Variants in PRKG1 observed in about 807,000 individuals in gnomAD.
PRKG1 encodes the protein protein kinase cGMP-dependent 1, also known as cGMP-dependent protein kinase 1.
A neutral mutation model predicts 88.1 loss-of-function variants in PRKG1; 35 were observed. The ratio of observed to expected loss-of-function variants is 0.40; its 90% CI spans 0.30 to 0.53. The LOEUF is 0.53. PRKG1 is among the 20% of genes least tolerant of loss of function. The pLI is 0.59. For missense variants in PRKG1, 540 were observed against 839.8 expected (o/e 0.64, Z 4.41); for synonymous variants, 303 against 292.5 (o/e 1.04, Z -0.37).
At chr10:51,493,024 C>T (rs1373264425) in intron 3 of PRKG1, among the ~76,000 whole-genome samples, 2 of 151,992 alleles carry the variant, frequency 1.3e-5, no homozygotes, top group African/African-American at 4.8e-5. Context: ...TTCATTTCTC[C>T]CTAAGAAATA....
chr10:51,746,243 C>T (rs1837574718), intron 3 of PRKG1, among the ~76,000 whole-genome samples: 1 of 151,938 alleles, frequency 6.6e-6, no homozygotes, highest in African/African-American at 2.4e-5. Context: ...CAAAGCCAAA[C>T]CGAACAAGCA....
chr10:51,977,331 T>C (rs1843870361), intron 5 of PRKG1, among the ~76,000 whole-genome samples: 8 of 152,112 alleles, frequency 5.3e-5, no homozygotes. Flanking sequence ...GAGTATTCCA[T>C]GGTGTATACG....
chr10:51,186,087 C>A lies in PRKG1; in HGVS notation c.478+32757C>A, dbSNP rs533910113. Among the ~76,000 whole-genome samples the A allele has an allele frequency of 8.6e-5, 13 of 151,792 alleles. No individual in the cohort carries two copies. The South Asian group carries it at 2.7e-3, about 32-fold the overall frequency. ...AGTACCTGAATAAATCTTTTTGTAT[C>A]TTAGCAAGGACTATTATTTTTCTTA... On this transcript the variant is annotated intron_variant, in intron 2 of 17. Transcript: ENST00000373980.
chr10:52,134,581 AG>A (rs1837354651), intron 8 of PRKG1, among the ~76,000 whole-genome samples: 1 of 152,202 alleles, frequency 6.6e-6, no homozygotes, highest in African/African-American at 2.4e-5. Flanking sequence ...ACTTTCTGGA[AG>A]CAGTGGAACA....
At chr10:52,040,996 C>T (rs1345785016) in intron 5 of PRKG1, among the ~76,000 whole-genome samples, 1 of 151,734 alleles carries the variant, frequency 6.6e-6, no homozygotes, top group African/African-American at 2.4e-5. Flanking sequence ...GCCACCATGC[C>T]CTGCTTATTT....
intron 3 of PRKG1, among the ~76,000 whole-genome samples, chr10:51,745,262 T>G (rs186294421): frequency 6.6e-6 from 1 of 152,214 alleles, no homozygotes; most frequent in African/African-American, 2.4e-5. Context: ...GATTATACAT[T>G]TATTAACTTA....
At chr10:51,950,988 T>C (rs1460749016) in intron 5 of PRKG1, among the ~76,000 whole-genome samples, 1 of 152,216 alleles carries the variant, frequency 6.6e-6, no homozygotes, top group East Asian at 1.9e-4. Context: ...GGAGCTTTTA[T>C]GGGTTCAGAA....
At chr10:51,529,571 T>A (rs1033311948) in intron 3 of PRKG1, among the ~76,000 whole-genome samples, 11 of 152,304 alleles carry the variant, frequency 7.2e-5, no homozygotes, top group Admixed American at 3.3e-4. Context: ...AACACTCTTT[T>A]GTTGTGTCTT....
At chr10:51,395,987 AT>A (rs1837566674) in intron 2 of PRKG1, among the ~76,000 whole-genome samples, 1 of 152,206 alleles carries the variant, frequency 6.6e-6, no homozygotes, top group Admixed American at 6.5e-5. Flanking sequence ...ATGTTAAAGA[AT>A]TTGAATTTTA....
chr10:51,572,315 G>T (rs1837777355), intron 3 of PRKG1, among the ~76,000 whole-genome samples: 1 of 151,702 alleles, frequency 6.6e-6, no homozygotes, highest in Non-Finnish European at 1.5e-5. Context: ...AGTGCTTTAA[G>T]AATCACCTTA....
rs567899178 is a variant in PRKG1, at chr10:51,685,502, T to G, written c.593-119083T>G. 1.1e-3 allele frequency among the ~76,000 whole-genome samples: 161 copies of G among 152,182 alleles called. 2 individuals are homozygous for G. The highest frequency in any genetic ancestry group is 3.7e-3 in the African/African-American group (153 of 41,522). ...CTCCCTCAAAAATAAATAACTCCAC[T>G]CCCCCTAATCTTGTGGCTGATGTCT... On this transcript the variant is annotated intron_variant, in intron 3 of 17. Coordinates refer to ENST00000373980, the MANE Select transcript of PRKG1 (RefSeq NM_006258.4).
chr10:51,288,186 C>T (rs1489850117), intron 2 of PRKG1, among the ~76,000 whole-genome samples: 1 of 151,488 alleles, frequency 6.6e-6, no homozygotes, highest in Non-Finnish European at 1.5e-5. Context: ...TACATGTGCA[C>T]AATGTGCAGG....
intron 2 of PRKG1, among the ~76,000 whole-genome samples, chr10:51,298,728 T>C (rs1164441381): frequency 6.6e-6 from 1 of 152,148 alleles, no homozygotes. Flanking sequence ...GAATTAAAAA[T>C]TGTTAGGTTG....
chr10:51,362,020 TA>T (rs1407795484), intron 2 of PRKG1, among the ~76,000 whole-genome samples: 1 of 151,914 alleles, frequency 6.6e-6, no homozygotes, highest in Admixed American at 6.6e-5. Context: ...AGTAAGTTAT[TA>T]AAAAAACTGA....
intron 2 of PRKG1, among the ~76,000 whole-genome samples, chr10:51,172,773 G>C (rs9415765): frequency 0.066 from 9,984 of 151,924 alleles, 685 homozygotes; most frequent in African/African-American, 0.17. Flanking sequence ...GGGAATGCTT[G>C]AACTTCTGTG....
intron 9 of PRKG1, among the ~76,000 whole-genome samples, chr10:52,201,643 A>T (rs1839671403): frequency 6.6e-6 from 1 of 152,182 alleles, no homozygotes; most frequent in Non-Finnish European, 1.5e-5. Context: ...TGCTTTAGGC[A>T]GTATGGCCAT....
At chr10:51,349,941 A>G (rs1056607673) in intron 2 of PRKG1, among the ~76,000 whole-genome samples, 2 of 152,180 alleles carry the variant, frequency 1.3e-5, no homozygotes, top group African/African-American at 2.4e-5. Context: ...CTTACTCTCT[A>G]TAGAAAAGGC....
chr10:51,387,448 G>A (rs1837282060), intron 2 of PRKG1, among the ~76,000 whole-genome samples: 1 of 151,730 alleles, frequency 6.6e-6, no homozygotes, highest in Non-Finnish European at 1.5e-5. Flanking sequence ...TATGTAGCCA[G>A]TCATTTTTCT....
intron 9 of PRKG1, among the ~76,000 whole-genome samples, chr10:52,168,739 G>T (rs1192407499): frequency 6.6e-6 from 1 of 152,038 alleles, no homozygotes; most frequent in African/African-American, 2.4e-5. Flanking sequence ...AGATATTTAG[G>T]TGGCAAAGCC....
Sources: allele counts gnomAD v4.1 joint callset (sites outside exome capture counted in the v4.1 genomes callset), GRCh38; gene constraint gnomAD v4.1.1; transcripts MANE v1.5; gene names NCBI Gene and HGNC (gene_info 2026-07-23, HGNC 2026-07-21).